The following CFAP20DC variants were observed in gnomAD, a reference collection of about 807,000 sequenced individuals.
CFAP20DC encodes protein CFAP20DC.
CFAP20DC carries 84 observed loss-of-function variants against 101.7 expected under a neutral mutation model. The ratio of observed to expected loss-of-function variants is 0.83; its 90% CI spans 0.69 to 0.99. The LOEUF is 0.99. Ranked by LOEUF, CFAP20DC falls within the 50% of genes least tolerant of loss-of-function variation. The pLI, the probability that CFAP20DC is intolerant of heterozygous loss-of-function variation, is 0.00. For missense variants in CFAP20DC, 1,007 were observed against 970.3 expected (o/e 1.04, Z -0.50); for synonymous variants, 359 against 351.2 (o/e 1.02, Z -0.25).
intron 6 of CFAP20DC, among the ~76,000 whole-genome samples, chr3:58,893,190 C>T (rs1244842157): frequency 6.6e-6 from 1 of 152,042 alleles, no homozygotes; most frequent in African/African-American, 2.4e-5. Context: ...ACTACAGGTG[C>T]CTGCCACTAC....
chr3:59,023,557 G>A (rs1576754031), intron 4 of CFAP20DC, among the ~76,000 whole-genome samples: 1 of 152,046 alleles, frequency 6.6e-6, no homozygotes, highest in Admixed American at 6.6e-5. Context: ...ATGGCAAGGA[G>A]GAGGAGTGGA....
chr3:58,758,136 G>A (rs1215036714), intron 15 of CFAP20DC, among the ~76,000 whole-genome samples: 1 of 152,078 alleles, frequency 6.6e-6, no homozygotes, highest in South Asian at 2.1e-4. Flanking sequence ...CACTCTGGTG[G>A]CATTTTGTTT....
chr3:58,808,693 G>C (rs1575702773), intron 14 of CFAP20DC, among the ~76,000 whole-genome samples: 1 of 152,102 alleles, frequency 6.6e-6, no homozygotes, highest in African/African-American at 2.4e-5. Context: ...CATAATGACA[G>C]GATCAAATTC....
chr3:58,736,942 T>C (rs1211945653), intron 3 of CFAP20DC, among the ~76,000 whole-genome samples: 1 of 152,210 alleles, frequency 6.6e-6, no homozygotes, highest in African/African-American at 2.4e-5. Flanking sequence ...TGATTCTAAA[T>C]TACATTAAAA....
intron 4 of CFAP20DC, among the ~76,000 whole-genome samples, chr3:58,973,272 T>C (rs1425361944): frequency 6.6e-6 from 1 of 152,198 alleles, no homozygotes; most frequent in Non-Finnish European, 1.5e-5. Context: ...AGACAAAGAA[T>C]CCTTAATTCC....
intron 7 of CFAP20DC, among the ~76,000 whole-genome samples, chr3:58,879,009 G>GAAA (rs112153201): frequency 8.1e-6 from 1 of 123,114 alleles, no homozygotes; most frequent in Admixed American, 8.6e-5. Flanking sequence ...CTTCGTCTCC[G>GAAA]AAAAAAAAAA....
intron 14 of CFAP20DC, among the ~76,000 whole-genome samples, chr3:58,823,472 G>C (rs557170838): frequency 1.3e-5 from 2 of 152,196 alleles, no homozygotes; most frequent in East Asian, 3.9e-4. Flanking sequence ...GACATTTATT[G>C]AGTACTTATG....
At chr3:58,989,461 C>T (rs1007290047) in intron 4 of CFAP20DC, among the ~76,000 whole-genome samples, 1 of 152,056 alleles carries the variant, frequency 6.6e-6, no homozygotes, top group Non-Finnish European at 1.5e-5. Flanking sequence ...TTCAATATCA[C>T]TGAAGTATGC....
intron 4 of CFAP20DC, among the ~76,000 whole-genome samples, chr3:59,004,760 C>T (rs2093396347): frequency 6.6e-6 from 1 of 152,194 alleles, no homozygotes; most frequent in African/African-American, 2.4e-5. Context: ...AAATTTTCCA[C>T]TGCATAATCC....
intron 3 of CFAP20DC, among the ~76,000 whole-genome samples, chr3:58,718,803 A>C (rs1356332546): frequency 6.6e-6 from 1 of 152,184 alleles, no homozygotes; most frequent in Admixed American, 6.5e-5. Context: ...TATGCTAAGG[A>C]AAATCTTGTT....
At chr3:58,935,130 C>G (rs1451085627) in intron 5 of CFAP20DC, among the ~76,000 whole-genome samples, 2 of 152,160 alleles carry the variant, frequency 1.3e-5, no homozygotes, top group Non-Finnish European at 2.9e-5. Context: ...ATACCAATAA[C>G]AGACAATCAG....
chr3:58,930,751 A>G (rs1255017208), intron 5 of CFAP20DC, among the ~76,000 whole-genome samples: 1 of 152,198 alleles, frequency 6.6e-6, no homozygotes, highest in Non-Finnish European at 1.5e-5. Context: ...AAAGTGGTAT[A>G]AAGTTTTCTT....
At chr3:59,049,053 A>AT (rs1222295843) in intron 1 of CFAP20DC, among the ~76,000 whole-genome samples, 3 of 152,186 alleles carry the variant, frequency 2.0e-5, no homozygotes, top group Non-Finnish European at 4.4e-5. Context: ...CAGATCTGGG[A>AT]TGCGGGTCAG....
intron 3 of CFAP20DC, among the ~76,000 whole-genome samples, chr3:58,720,858 C>T (rs1297254820): frequency 6.6e-6 from 1 of 152,170 alleles, no homozygotes; most frequent in African/African-American, 2.4e-5. Flanking sequence ...TGATTTATCC[C>T]ATGACACACA....
intron 12 of CFAP20DC, chr3:58,862,092 G>T: frequency 1.0e-6 from 1 of 956,628 alleles, no homozygotes; most frequent in South Asian, 4.8e-5. Flanking sequence ...TCTTCATGTG[G>T]TGTATTTAAA....
intron 6 of CFAP20DC, among the ~76,000 whole-genome samples, chr3:58,904,287 T>C (rs2083407522): frequency 6.6e-6 from 1 of 151,952 alleles, no homozygotes; most frequent in South Asian, 2.1e-4. Context: ...GGTTCTATTA[T>C]AAATAATATT....
chr3:58,850,749 G>C lies in CFAP20DC; in HGVS notation c.1594-1340C>G, dbSNP rs75976769. Reference sequence around the variant, plus strand: ...TTTGGTGTCTGACAATGCGTATCTTGACATTCAGTTTCAGTAAGCTATTCC... The same window carrying C: ...TTTGGTGTCTGACAATGCGTATCTTCACATTCAGTTTCAGTAAGCTATTCC... On this transcript the variant is annotated intron_variant, in intron 12 of 16. Transcript: ENST00000482387. Among the ~76,000 whole-genome samples the C allele has an allele frequency of 5.1e-4, 78 of 152,268 alleles. 1 individual carries two copies. The highest frequency in any genetic ancestry group is 1.9e-3 in the African/African-American group (77 of 41,576).
At chr3:58,770,503 G>A (rs1348977606) in intron 15 of CFAP20DC, among the ~76,000 whole-genome samples, 2 of 152,152 alleles carry the variant, frequency 1.3e-5, no homozygotes, top group Non-Finnish European at 1.5e-5. Context: ...AATAGTTCAG[G>A]GAAGGCTTTC....
At chr3:58,770,668 T>C (rs1451268462) in intron 15 of CFAP20DC, among the ~76,000 whole-genome samples, 1 of 152,130 alleles carries the variant, frequency 6.6e-6, no homozygotes, top group Non-Finnish European at 1.5e-5. Flanking sequence ...AGTCAGTTGT[T>C]GAAGAAGCAG....
Sources: allele counts gnomAD v4.1 joint callset (sites outside exome capture counted in the v4.1 genomes callset), GRCh38; gene constraint gnomAD v4.1.1; transcripts MANE v1.5; gene names NCBI Gene and HGNC (gene_info 2026-07-23, HGNC 2026-07-21).